Variants in FLVCR1 observed in about 807,000 individuals in gnomAD.
FLVCR1 encodes FLVCR choline and heme transporter 1.
In FLVCR1, 34 loss-of-function variants were observed where a neutral mutation model predicts 53.6. The ratio of observed to expected loss-of-function variants is 0.63; its 90% confidence interval spans 0.48 to 0.84. The LOEUF is 0.84. FLVCR1 is among the 40% of genes least tolerant of loss of function. The pLI is 0.00. For synonymous variants in FLVCR1, 300 were observed against 286.3 expected, an observed-to-expected ratio of 1.05 and a Z score of -0.48; for missense variants, 677 against 696.7, an observed-to-expected ratio of 0.97 and a Z score of 0.32.
At chr1:212,870,860 G>A (rs1461190750) in intron 2 of FLVCR1, among the ~76,000 whole-genome samples, 1 of 152,094 alleles carries the variant, frequency 6.6e-6, no homozygotes, top group Non-Finnish European at 1.5e-5. Context: ...TCCACCTCCT[G>A]GGTTTGAGCA....
intron 4 of FLVCR1, among the ~76,000 whole-genome samples, chr1:212,885,056 T>G (rs1665023647): frequency 6.6e-6 from 1 of 152,116 alleles, no homozygotes; most frequent in African/African-American, 2.4e-5. Context: ...TTAAGGAAAA[T>G]TTACCTTTTT....
At chr1:212,879,281 G>T (rs1048474904) in intron 3 of FLVCR1, among the ~76,000 whole-genome samples, 2 of 152,198 alleles carry the variant, frequency 1.3e-5, no homozygotes, top group Non-Finnish European at 2.9e-5. Context: ...TAAAGTTCGA[G>T]TAGTTTCTCG....
intron 1 of FLVCR1, among the ~76,000 whole-genome samples, chr1:212,859,627 A>G (rs2102528697): frequency 6.6e-6 from 1 of 151,910 alleles, no homozygotes; most frequent in South Asian, 2.1e-4. Flanking sequence ...CTGAGGCAGG[A>G]GAATCTCTTG....
chr1:212,893,065 T>TTTTTTTG (rs376805847), intron 8 of FLVCR1, among the ~76,000 whole-genome samples: 3 of 142,308 alleles, frequency 2.1e-5, no homozygotes, highest in African/African-American at 7.8e-5. Flanking sequence ...TCTTTTTTTT[T>TTTTTTTG]GGGGGGGGGT....
In FLVCR1 at chr1:212,899,309, G is replaced by T. The variant is rs1665416297; in HGVS notation, c.*4019G>T. 6.6e-6 allele frequency: 1 copy of T among 152,088 alleles called. No individual in the cohort carries two copies. The highest frequency in any genetic ancestry group is 6.5e-5 in the Admixed American group (1 of 15,268). 9.4% of individuals were successfully genotyped at this position (152,088 alleles called of 1,614,324 possible). On this transcript the variant is annotated 3_prime_UTR_variant, in exon 10 of 10. Transcript: ENST00000366971. ...TTTTTGTTCTTTGTACTATTTATCT[G>T]TATGCTTGTTCTTCAGTATTTCAGA...
At position 212,895,303 on chromosome 1, in the gene FLVCR1, A is replaced by G. The variant is rs1219548201; in HGVS notation, c.*13A>G. Reference sequence around the variant, plus strand: ...ATCAGCAATTTGAAGAGAAAGGCAAAGTTACTGTCCTGTAGTAATTGGGGA... The same window carrying G: ...ATCAGCAATTTGAAGAGAAAGGCAAGGTTACTGTCCTGTAGTAATTGGGGA... On this transcript the variant is annotated 3_prime_UTR_variant, in exon 10 of 10. Transcript: ENST00000366971. 6.3e-7 allele frequency: 1 copy of G among 1,597,212 alleles called. No homozygotes were observed. Among genetic ancestry groups the G allele is most frequent in the Non-Finnish European group, 8.6e-7 (1 of 1,164,520 alleles).
At position 212,858,534 on chromosome 1, in the gene FLVCR1, G is replaced by GGCGCGCCC; in HGVS notation, c.84_91dup (p.Val31AlafsTer22). The GGCGCGCCC allele has an allele frequency of 6.8e-7, 1 of 1,462,660 alleles. No individual in the cohort carries two copies. Among genetic ancestry groups the GGCGCGCCC allele is most frequent in the Non-Finnish European group, 9.0e-7 (1 of 1,109,330 alleles). 90.6% of individuals were successfully genotyped at this position (1,462,660 alleles called of 1,614,324 possible). On this transcript the variant is annotated frameshift_variant, in exon 1 of 10. Coordinates refer to ENST00000366971, the MANE Select transcript of FLVCR1 (RefSeq NM_014053.4). LOFTEE classifies it high-confidence loss of function. Reference sequence around the variant, plus strand: ...GAAAGGATACCTCCCGTTGCCGAGGGGCGCGCCCGTTGGGAAGGAGAGCGT... The same window carrying GGCGCGCCC: ...GAAAGGATACCTCCCGTTGCCGAGGGGCGCGCCCGCGCGCCCGTTGGGAAGGAGAGCGT...
chr1:212,860,350 G>GTTTTTTGTTTTTTTTTTTTTT (rs1664186530), intron 1 of FLVCR1, among the ~76,000 whole-genome samples: 1 of 85,824 alleles, frequency 1.2e-5, no homozygotes, highest in Non-Finnish European at 2.4e-5. Context: ...TGTGTGTGTG[G>GTTTTTTGTTTTTTTTTTTTTT]TTTTTTTTTT....
chr1:212,874,135 G>A (rs2102553030), intron 3 of FLVCR1, among the ~76,000 whole-genome samples: 1 of 152,230 alleles, frequency 6.6e-6, no homozygotes, highest in Middle Eastern at 3.4e-3. Context: ...AGCCTCCCAA[G>A]TAGCTGGGAT....
rs1664239436 is a variant in FLVCR1, at chr1:212,861,508, T to C, written c.739-2217T>C. On this transcript the variant is annotated intron_variant, in intron 1 of 9. Coordinates refer to ENST00000366971, the MANE Select transcript of FLVCR1 (RefSeq NM_014053.4). Reference sequence around the variant, plus strand: ...ACCTGTTGTCTGGTATGATTACTAATGAAGTCCCTTTCATTCTGAAGAGTA... The same window carrying C: ...ACCTGTTGTCTGGTATGATTACTAACGAAGTCCCTTTCATTCTGAAGAGTA... Among the ~76,000 whole-genome samples the C allele has an allele frequency of 3.3e-5, 5 of 152,200 alleles. No individual in the cohort carries two copies. In the South Asian group the frequency reaches 8.3e-4, roughly 25 times the overall value.
chr1:212,890,789 C>A (rs1375352579), intron 8 of FLVCR1, among the ~76,000 whole-genome samples: 1 of 152,116 alleles, frequency 6.6e-6, no homozygotes, highest in Non-Finnish European at 1.5e-5. Flanking sequence ...TGTGGAATAC[C>A]TGATCATTCT....
chr1:212,877,850 C>T (rs962476656), intron 3 of FLVCR1, among the ~76,000 whole-genome samples: 2 of 151,972 alleles, frequency 1.3e-5, no homozygotes, highest in Non-Finnish European at 1.5e-5. Context: ...AAGAAGTATC[C>T]TTAAGGATAT....
chr1:212,871,967 A>G (rs894549357), intron 2 of FLVCR1, among the ~76,000 whole-genome samples: 1 of 152,180 alleles, frequency 6.6e-6, no homozygotes, highest in Non-Finnish European at 1.5e-5. Context: ...CCATGAATCT[A>G]CCTGGAGTTT....
chr1:212,895,092 G>A (rs1390359935), intron 9 of FLVCR1, 39 bp downstream of exon 9: 9 of 1,390,250 alleles, frequency 6.5e-6, no homozygotes, highest in South Asian at 1.2e-5. Context: ...TGAGAAGTAT[G>A]TATAGAATAA....
chr1:212,860,350 G>GTGTTTTTTTTTTTTTT (rs1664185756), intron 1 of FLVCR1, among the ~76,000 whole-genome samples: 1 of 85,824 alleles, frequency 1.2e-5, no homozygotes, highest in Non-Finnish European at 2.4e-5. Context: ...TGTGTGTGTG[G>GTGTTTTTTTTTTTTTT]TTTTTTTTTT....
At chr1:212,863,989 A>G in intron 2 of FLVCR1, 120 bp downstream of exon 2, 1 of 817,056 alleles carries the variant, frequency 1.2e-6, no homozygotes, top group Non-Finnish European at 2.0e-6. Flanking sequence ...TCATTCTTCC[A>G]TGCCCTGTCT....
At chr1:212,886,997 T>C (rs1318498437) in intron 5 of FLVCR1, among the ~76,000 whole-genome samples, 2 of 152,080 alleles carry the variant, frequency 1.3e-5, no homozygotes, top group African/African-American at 4.8e-5. Flanking sequence ...TACTTGGAAA[T>C]GAATGAATGA....
chr1:212,868,233 G>T (rs1462053107), intron 2 of FLVCR1, among the ~76,000 whole-genome samples: 1 of 152,032 alleles, frequency 6.6e-6, no homozygotes, highest in Non-Finnish European at 1.5e-5. Flanking sequence ...TGAGTAGCTG[G>T]GACTACAGGT....
chr1:212,891,514 T>C (rs1008431644), intron 8 of FLVCR1, among the ~76,000 whole-genome samples: 1 of 152,192 alleles, frequency 6.6e-6, no homozygotes, highest in African/African-American at 2.4e-5. Flanking sequence ...CAAATTACTT[T>C]TACAAGAGAT....
Sources: allele counts gnomAD v4.1 joint callset (sites outside exome capture counted in the v4.1 genomes callset), GRCh38; gene constraint gnomAD v4.1.1; transcripts MANE v1.5; gene names NCBI Gene and HGNC (gene_info 2026-07-23, HGNC 2026-07-21).